The following CFAP95 variants were observed in gnomAD, a reference collection of about 807,000 sequenced individuals.
The protein encoded by CFAP95 is cilia and flagella associated protein 95.
chr9:69,867,227 T>C, the CFAP95 span, among the ~76,000 whole-genome samples: 4 of 152,188 alleles, frequency 2.6e-5, no homozygotes, highest in African/African-American at 9.6e-5. Flanking sequence ...TATCCTTGCA[T>C]TGTAATTCAA....
At chr9:69,893,542 C>T in the CFAP95 span, among the ~76,000 whole-genome samples, 1 of 152,164 alleles carries the variant, frequency 6.6e-6, no homozygotes, top group Non-Finnish European at 1.5e-5. Flanking sequence ...TTGTCTTCCC[C>T]ATTTTCATTT....
At chr9:69,824,422 C>T in the CFAP95 span, among the ~76,000 whole-genome samples, 42 of 18,538 alleles carry the variant, frequency 2.3e-3, no homozygotes, top group South Asian at 0.013. Flanking sequence ...ATTCTCAGAG[C>T]GGAAAAAAGG....
the CFAP95 span, among the ~76,000 whole-genome samples, chr9:69,831,767 G>A: frequency 4.6e-5 from 7 of 152,260 alleles, no homozygotes; most frequent in African/African-American, 1.7e-4. Context: ...GTTTCCAACC[G>A]AGAGCAGTAC....
chr9:69,899,422 A>T, the CFAP95 span, among the ~76,000 whole-genome samples: 1 of 152,386 alleles, frequency 6.6e-6, no homozygotes, highest in Admixed American at 6.5e-5. Context: ...TTTAAAGCTT[A>T]GTCTGATGCC....
chr9:69,891,750 C>A, the CFAP95 span, among the ~76,000 whole-genome samples: 1 of 152,122 alleles, frequency 6.6e-6, no homozygotes, highest in Non-Finnish European at 1.5e-5. Context: ...CCCTCTTTTA[C>A]GCAGTTTGAA....
the CFAP95 span, among the ~76,000 whole-genome samples, chr9:69,878,134 G>C: frequency 6.6e-6 from 1 of 152,148 alleles, no homozygotes; most frequent in South Asian, 2.1e-4. Context: ...TGAAACATAG[G>C]AGGGAGTGAT....
chr9:69,901,017 C>G, the CFAP95 span, among the ~76,000 whole-genome samples: 1 of 152,236 alleles, frequency 6.6e-6, no homozygotes, highest in East Asian at 1.9e-4. Flanking sequence ...CCTCCCGCCT[C>G]CCTCCACTCC....
the CFAP95 span, among the ~76,000 whole-genome samples, chr9:69,867,198 C>T: frequency 6.6e-6 from 1 of 151,980 alleles, no homozygotes; most frequent in Non-Finnish European, 1.5e-5. Flanking sequence ...TGGCGGGTAA[C>T]AATAACCTAT....
the CFAP95 span, among the ~76,000 whole-genome samples, chr9:69,834,004 T>C: frequency 6.6e-6 from 1 of 152,222 alleles, no homozygotes; most frequent in Admixed American, 6.5e-5. Flanking sequence ...CATAATGTAA[T>C]CTTTTGATGT....
the CFAP95 span, among the ~76,000 whole-genome samples, chr9:69,900,041 A>G: frequency 6.6e-6 from 1 of 152,162 alleles, no homozygotes; most frequent in Non-Finnish European, 1.5e-5. Context: ...TTTATGATGC[A>G]TTTATTGGTA....
the CFAP95 span, among the ~76,000 whole-genome samples, chr9:69,905,504 T>C: frequency 6.6e-6 from 1 of 152,200 alleles, no homozygotes; most frequent in Non-Finnish European, 1.5e-5. Context: ...TGTCAGAGCT[T>C]GGCATTTACC....
the CFAP95 span, chr9:69,856,429 C>T: frequency 4.8e-3 from 2,603 of 536,812 alleles, 18 homozygotes; most frequent in Middle Eastern, 0.022. Flanking sequence ...TGATCTATTA[C>T]TTATTTTTAA....
the CFAP95 span, chr9:69,821,174 T>G: frequency 5.8e-6 from 5 of 866,466 alleles, no homozygotes; most frequent in Admixed American, 3.4e-5. Context: ...ATGAGAAAAG[T>G]GGGGGAGAAA....
the CFAP95 span, among the ~76,000 whole-genome samples, chr9:69,896,113 G>A: frequency 2.6e-5 from 4 of 152,194 alleles, no homozygotes; most frequent in Non-Finnish European, 5.9e-5. Context: ...AAGTTTTAAA[G>A]ATTGAGAAGC....
the CFAP95 span, among the ~76,000 whole-genome samples, chr9:69,859,084 G>A: frequency 2.6e-5 from 4 of 152,274 alleles, no homozygotes; most frequent in Admixed American, 1.3e-4. Flanking sequence ...GCTGGACGTG[G>A]TGAACCTTTC....
At chr9:69,898,302 T>C in the CFAP95 span, among the ~76,000 whole-genome samples, 3 of 152,166 alleles carry the variant, frequency 2.0e-5, no homozygotes, top group East Asian at 5.8e-4. Context: ...TTGTCTGTCC[T>C]TCATGGCTTC....
At chr9:69,877,345 G>A in the CFAP95 span, among the ~76,000 whole-genome samples, 10 of 152,114 alleles carry the variant, frequency 6.6e-5, no homozygotes, top group Non-Finnish European at 8.8e-5. Context: ...GGATTTGTTT[G>A]TCAAGTTCTA....
chr9:69,838,890 AT>A, the CFAP95 span, among the ~76,000 whole-genome samples: 1 of 86,286 alleles, frequency 1.2e-5, no homozygotes, highest in Admixed American at 1.4e-4. Flanking sequence ...AGCTCTTATT[AT>A]TTTGAAATAC....
the CFAP95 span, among the ~76,000 whole-genome samples, chr9:69,840,961 T>C: frequency 7.4e-4 from 113 of 151,718 alleles, no homozygotes; most frequent in African/African-American, 2.6e-3. Flanking sequence ...AAGGTTGCTA[T>C]AGGAAAAAAG....
Sources: gnomAD v4.1 joint callset for allele counts (sites outside exome capture counted in the v4.1 genomes callset) on GRCh38, gnomAD v4.1.1 for gene constraint, MANE v1.5 for transcripts, NCBI Gene and HGNC (gene_info 2026-07-23, HGNC 2026-07-21) for gene names.